Variants in CAPN7 observed in about 807,000 individuals in gnomAD.
CAPN7 encodes calpain 7, also known as calpain-7.
Under a neutral mutation model 115.2 loss-of-function variants are expected in CAPN7, and 72 were observed. That is an observed-to-expected ratio of 0.63 (90% CI 0.52 to 0.76). The LOEUF (loss-of-function observed/expected upper bound fraction) is 0.76, where lower values mean the gene tolerates loss of function less well. Among genes scored for constraint, CAPN7 ranks in the 30% least tolerant of loss-of-function variants. The pLI, the probability that CAPN7 is intolerant of heterozygous loss-of-function variation, is 0.00. For synonymous variants in CAPN7, 344 were observed against 322.3 expected (o/e 1.07, Z -0.72); for missense variants, 905 against 971.5 (o/e 0.93, Z 0.91).
Position 15,215,552 on chromosome 3 carries a change from A to T in CAPN7, c.212-1873A>T, listed in dbSNP as rs147378037. On this transcript the variant is annotated intron_variant, in intron 2 of 20. Transcript: ENST00000253693. ...TCTTGTTGTTTCTATGGATTTGCCTATTGTGGATATTTCATACAAATGGAA... is the reference window on the plus strand; with the variant it reads ...TCTTGTTGTTTCTATGGATTTGCCTTTTGTGGATATTTCATACAAATGGAA... 6.8e-3 allele frequency among the ~76,000 whole-genome samples: 1,040 copies of T among 152,260 alleles called. 20 individuals carry two copies. Among genetic ancestry groups the T allele is most frequent in the African/African-American group, 0.024 (994 of 41,528 alleles).
At chr3:15,239,945 A>T (rs1321320075) in intron 12 of CAPN7, among the ~76,000 whole-genome samples, 11 of 152,236 alleles carry the variant, frequency 7.2e-5, no homozygotes, top group African/African-American at 2.7e-4. Flanking sequence ...TTTAGAGGCA[A>T]AATTGAATAA....
intron 6 of CAPN7, among the ~76,000 whole-genome samples, chr3:15,226,737 G>A (rs539092239): frequency 6.6e-6 from 1 of 152,122 alleles, no homozygotes; most frequent in South Asian, 2.1e-4. Context: ...AATAAACATT[G>A]GCTTATTTAA....
chr3:15,221,346 A>ATTTT (rs772108590), intron 5 of CAPN7, among the ~76,000 whole-genome samples: 5 of 104,334 alleles, frequency 4.8e-5, no homozygotes, highest in Non-Finnish European at 7.7e-5. Context: ...CATCTGACTA[A>ATTTT]TTTTTTTTTT....
chr3:15,233,836 C>G, intron 10 of CAPN7, 31 bp from the exon 11 acceptor site: 1 of 1,133,700 alleles, frequency 8.8e-7, no homozygotes, highest in East Asian at 2.4e-5. Context: ...GAAAATGACA[C>G]TGGCAGTCCT....
chr3:15,249,838 C>G (rs1695897402), intron 19 of CAPN7, among the ~76,000 whole-genome samples: 1 of 148,558 alleles, frequency 6.7e-6, no homozygotes, highest in African/African-American at 2.5e-5. Flanking sequence ...GATCTCGGCT[C>G]ACTGCAACCT....
chr3:15,241,839 G>C (rs558084311), intron 15 of CAPN7, among the ~76,000 whole-genome samples: 168 of 152,254 alleles, frequency 1.1e-3, no homozygotes, highest in African/African-American at 3.9e-3. Flanking sequence ...GGGTTTGGGG[G>C]TTGATCGTGT....
intron 5 of CAPN7, among the ~76,000 whole-genome samples, chr3:15,222,593 C>T (rs1313434239): frequency 6.6e-6 from 1 of 152,108 alleles, no homozygotes; most frequent in Non-Finnish European, 1.5e-5. Context: ...GCATGTGCAC[C>T]AACACAGCAC....
At chr3:15,247,190 A>C in intron 18 of CAPN7, 137 bp from the exon 19 acceptor site, 1 of 636,502 alleles carries the variant, frequency 1.6e-6, no homozygotes, top group Admixed American at 3.5e-5. Context: ...TCAGCAGCAA[A>C]TAAAGATGGG....
At chr3:15,234,178 T>C (rs1037335719) in intron 11 of CAPN7, among the ~76,000 whole-genome samples, 3 of 152,122 alleles carry the variant, frequency 2.0e-5, no homozygotes, top group Admixed American at 2.0e-4. Context: ...TAGCCGGATG[T>C]GGTGGCAGGC....
At chr3:15,210,906 G>A in intron 1 of CAPN7, 2 of 1,258,802 alleles carry the variant, frequency 1.6e-6, no homozygotes, top group Admixed American at 2.4e-5. Flanking sequence ...GTACACGCTT[G>A]GGTTACTGCA....
In CAPN7 at chr3:15,250,971, C is replaced by G. The variant is rs148241217; in HGVS notation, c.2245C>G (p.Leu749Val). The G allele has an allele frequency of 7.4e-6, 12 of 1,613,474 alleles. No homozygotes were observed. Among genetic ancestry groups the G allele is most frequent in the Middle Eastern group, 1.6e-4 (1 of 6,082 alleles). Reference sequence around the variant, plus strand: ...ATTTGAGGTTGTAACAGTTTCTACTCTAGGAGATCCTGGTCCCCATGGCTT... The same window carrying G: ...ATTTGAGGTTGTAACAGTTTCTACTGTAGGAGATCCTGGTCCCCATGGCTT... The part of the protein sequence containing the change: ...VGFEVVTVST[L>V]GDPGPHGFLR... The change falls in exon 20 of 21, where the codon CTA (leucine) becomes GTA (valine). Residue 749 changes from leucine to valine, a missense_variant. Transcript: ENST00000253693.
chr3:15,251,282 G>A lies in CAPN7; in HGVS notation c.*22G>A. On this transcript the variant is annotated 3_prime_UTR_variant, in exon 21 of 21. Coordinates refer to ENST00000253693, the MANE Select transcript of CAPN7 (RefSeq NM_014296.3). ...GTGATGGAGAAATCTCAAGTTACTG[G>A]CTTTTATACTTACCAAACATCAGTT... The A allele has an allele frequency of 6.4e-7, 1 of 1,556,636 alleles. No individual in the cohort carries two copies. Among genetic ancestry groups the A allele is most frequent in the Non-Finnish European group, 8.7e-7 (1 of 1,154,578 alleles).
At chr3:15,237,502 T>C (rs1382868688) in intron 12 of CAPN7, among the ~76,000 whole-genome samples, 2 of 152,212 alleles carry the variant, frequency 1.3e-5, no homozygotes, top group African/African-American at 4.8e-5. Flanking sequence ...CTTGGAACTT[T>C]CTAAATTAGC....
Position 15,227,817 on chromosome 3 carries a change from T to G in CAPN7, c.726-22T>G, listed in dbSNP as rs755718428. The G allele has an allele frequency of 2.9e-6, 4 of 1,385,988 alleles. No individual in the cohort carries two copies. In the Admixed American group the frequency reaches 1.2e-4, roughly 43 times the overall value. 85.9% of individuals were successfully genotyped at this position (1,385,988 alleles called of 1,614,324 possible). On this transcript the variant is annotated intron_variant, in intron 6 of 20. Transcript: ENST00000253693. ...ATCTTTTAAGATTAATTTTTTTATT[T>G]TAATTTTTATTATTACCTCAGTGAT...
chr3:15,235,252 G>A (rs1446494924), intron 12 of CAPN7, 107 bp downstream of exon 12: 5 of 1,009,898 alleles, frequency 5.0e-6, no homozygotes, highest in Admixed American at 5.4e-5. Context: ...AGGTTTAAGT[G>A]GAGTTTATAA....
At chr3:15,221,012 G>C in intron 5 of CAPN7, 31 bp downstream of exon 5, 1 of 1,567,220 alleles carries the variant, frequency 6.4e-7, no homozygotes, top group Non-Finnish European at 8.8e-7. Context: ...TTGTAATGAA[G>C]AATTTTGTTA....
intron 9 of CAPN7, 103 bp from the exon 10 acceptor site, chr3:15,232,416 T>C: frequency 1.2e-6 from 1 of 841,128 alleles, no homozygotes; most frequent in Non-Finnish European, 1.8e-6. Flanking sequence ...CAGCATATTG[T>C]GCGTTATATT....
intron 1 of CAPN7, 74 bp downstream of exon 1, chr3:15,206,671 G>C: frequency 2.7e-6 from 3 of 1,123,782 alleles, no homozygotes; most frequent in Admixed American, 2.5e-5. Flanking sequence ...CGAGGGGCGG[G>C]ATCCGGGTGC....
Position 15,206,278 on chromosome 3 carries a change from G to C in CAPN7, c.-218G>C, listed in dbSNP as rs540728919. ...GCTGGGGCCGCGAAGTGGGGCGGCC[G>C]GGTGGGCTACAAGCCGGGTCTGGGC... On this transcript the variant is annotated 5_prime_UTR_variant, in exon 1 of 21. Coordinates refer to ENST00000253693, the MANE Select transcript of CAPN7 (RefSeq NM_014296.3). 4.7e-6 allele frequency: 2 copies of C among 428,948 alleles called. No individual in the cohort carries two copies. The highest frequency in any genetic ancestry group is 8.3e-6 in the Non-Finnish European group (2 of 240,616). 26.6% of individuals were successfully genotyped at this position (428,948 alleles called of 1,614,324 possible).
Sources: allele counts gnomAD v4.1 joint callset (sites outside exome capture counted in the v4.1 genomes callset), GRCh38; gene constraint gnomAD v4.1.1; transcripts MANE v1.5; gene names NCBI Gene and HGNC (gene_info 2026-07-23, HGNC 2026-07-21).